CENPP: variants seen among roughly 807,000 people sequenced by gnomAD.
CENPP encodes the protein centromere protein P.
A neutral mutation model predicts 35.6 loss-of-function variants in CENPP; 24 were observed. The ratio of observed to expected loss-of-function variants is 0.67; its 90% CI spans 0.49 to 0.95. CENPP has a LOEUF of 0.95. CENPP is among the 40% of genes least tolerant of loss of function. The probability of loss-of-function intolerance (pLI) is 0.00; values close to 1 mark genes in which losing one functional copy is unlikely to be tolerated. For missense variants in CENPP, 332 were observed against 345.3 expected (o/e 0.96, Z 0.31); for synonymous variants, 120 against 125.5 (o/e 0.96, Z 0.29).
intron 5 of CENPP, among the ~76,000 whole-genome samples, chr9:92,457,836 C>T (rs1258099533): frequency 6.6e-6 from 1 of 152,002 alleles, no homozygotes; most frequent in African/African-American, 2.4e-5. Flanking sequence ...GTAATGTTTA[C>T]TTTTATAAAC....
At chr9:92,490,514 G>T (rs1846150897) in intron 5 of CENPP, among the ~76,000 whole-genome samples, 1 of 152,148 alleles carries the variant, frequency 6.6e-6, no homozygotes, top group African/African-American at 2.4e-5. Context: ...TCTGCCATGA[G>T]GACATTTTCT....
At chr9:92,551,579 A>T (rs1420269026) in intron 5 of CENPP, among the ~76,000 whole-genome samples, 1 of 151,840 alleles carries the variant, frequency 6.6e-6, no homozygotes, top group Admixed American at 6.6e-5. Context: ...TTACATGAGT[A>T]AGTTGTTTAG....
chr9:92,554,327 G>C (rs1267158880), intron 5 of CENPP, among the ~76,000 whole-genome samples: 4 of 152,052 alleles, frequency 2.6e-5, no homozygotes, highest in African/African-American at 9.7e-5. Context: ...GGGATTACAG[G>C]CACGTGCCAC....
chr9:92,433,592 G>A (rs1030819628), intron 5 of CENPP, among the ~76,000 whole-genome samples: 2 of 152,152 alleles, frequency 1.3e-5, no homozygotes, highest in African/African-American at 4.8e-5. Context: ...CATCTGAAAT[G>A]TTTTATAAAT....
chr9:92,604,228 C>A (rs1295146873), intron 5 of CENPP, among the ~76,000 whole-genome samples: 1 of 152,136 alleles, frequency 6.6e-6, no homozygotes, highest in East Asian at 1.9e-4. Flanking sequence ...TTTATTTTAG[C>A]CATTCTGATG....
At chr9:92,393,663 T>A (rs886315415) in intron 5 of CENPP, among the ~76,000 whole-genome samples, 3 of 152,178 alleles carry the variant, frequency 2.0e-5, no homozygotes, top group African/African-American at 7.2e-5. Context: ...ATTAGAGTAA[T>A]CGTAGGCACT....
chr9:92,433,436 A>G (rs1844168390), intron 5 of CENPP, among the ~76,000 whole-genome samples: 1 of 152,094 alleles, frequency 6.6e-6, no homozygotes, highest in Non-Finnish European at 1.5e-5. Context: ...CCCTAATTAC[A>G]TTTGAGTTTT....
At position 92,332,368 on chromosome 9, in the gene CENPP, A is replaced by T; in HGVS notation, c.289+17A>T. Reference sequence around the variant, plus strand: ...CAGAAAAGAGTAAGCATTTTTTTTAAATCTAGACATAGTATGGAAGCTTAC... The same window carrying T: ...CAGAAAAGAGTAAGCATTTTTTTTATATCTAGACATAGTATGGAAGCTTAC... On this transcript the variant is annotated intron_variant, in intron 2 of 7. Transcript: ENST00000375587. The T allele has an allele frequency of 6.5e-7, 1 of 1,529,254 alleles. No individual in the cohort carries two copies. Among genetic ancestry groups the T allele is most frequent in the Non-Finnish European group, 8.8e-7 (1 of 1,134,230 alleles). The allele number at this position is 1,529,254 out of a possible 1,614,324, so 94.7% of individuals were successfully genotyped here.
chr9:92,436,253 A>G (rs1342504957), intron 5 of CENPP, among the ~76,000 whole-genome samples: 1 of 152,060 alleles, frequency 6.6e-6, no homozygotes, highest in Non-Finnish European at 1.5e-5. Flanking sequence ...TTCCCATTGA[A>G]TTTTTTATTT....
intron 5 of CENPP, among the ~76,000 whole-genome samples, chr9:92,592,208 T>G (rs898013493): frequency 1.3e-5 from 2 of 152,066 alleles, no homozygotes; most frequent in Non-Finnish European, 2.9e-5. Context: ...AGTTTGATAG[T>G]TTTTCACAAA....
At chr9:92,554,448 G>A (rs536395692) in intron 5 of CENPP, among the ~76,000 whole-genome samples, 1 of 152,210 alleles carries the variant, frequency 6.6e-6, no homozygotes, top group African/African-American at 2.4e-5. Context: ...CTCCCAAAGT[G>A]CTGGGATTAC....
At chr9:92,337,211 G>A (rs200009473) in intron 2 of CENPP, among the ~76,000 whole-genome samples, 8 of 151,998 alleles carry the variant, frequency 5.3e-5, no homozygotes, top group East Asian at 1.9e-4. Flanking sequence ...CCAGCTACTC[G>A]GGAGGCTGAG....
At chr9:92,359,511 G>T (rs1841684463) in intron 4 of CENPP, among the ~76,000 whole-genome samples, 2 of 151,986 alleles carry the variant, frequency 1.3e-5, no homozygotes, top group South Asian at 4.2e-4. Context: ...ATGGGTATGT[G>T]CAATCTCTTA....
chr9:92,362,658 CA>C (rs1203332372), intron 4 of CENPP, among the ~76,000 whole-genome samples: 3 of 152,068 alleles, frequency 2.0e-5, no homozygotes, highest in African/African-American at 7.2e-5. Context: ...GATGACCACA[CA>C]ATTACTACTC....
At chr9:92,451,614 G>T (rs915862477) in intron 5 of CENPP, among the ~76,000 whole-genome samples, 3 of 152,150 alleles carry the variant, frequency 2.0e-5, no homozygotes, top group African/African-American at 7.2e-5. Context: ...CTTTAAAGTA[G>T]TTTTTTCCGA....
At chr9:92,567,369 G>T (rs950990029) in intron 5 of CENPP, among the ~76,000 whole-genome samples, 25 of 104,098 alleles carry the variant, frequency 2.4e-4, no homozygotes, top group African/African-American at 6.1e-4. Flanking sequence ...AGTTACATAA[G>T]ATAGATATAT....
intron 5 of CENPP, among the ~76,000 whole-genome samples, chr9:92,504,283 C>A (rs1010427620): frequency 6.6e-6 from 1 of 152,156 alleles, no homozygotes; most frequent in Non-Finnish European, 1.5e-5. Context: ...GTCAGTGTTA[C>A]ATAACTCTGT....
At chr9:92,500,621 ATT>A in intron 5 of CENPP, 2 of 1,164,738 alleles carry the variant, frequency 1.7e-6, no homozygotes, top group Non-Finnish European at 2.4e-6. Context: ...CCTTAGCACC[ATT>A]TTTTTTTCCC....
intron 5 of CENPP, among the ~76,000 whole-genome samples, chr9:92,565,301 A>AAAG (rs1564004853): frequency 1.4e-5 from 2 of 146,972 alleles, no homozygotes; most frequent in East Asian, 3.9e-4. Flanking sequence ...GCTAAAAAAA[A>AAAG]AAAAAAAAAA....
Sources: allele counts gnomAD v4.1 joint callset (sites outside exome capture counted in the v4.1 genomes callset), GRCh38; gene constraint gnomAD v4.1.1; transcripts MANE v1.5; gene names NCBI Gene and HGNC (gene_info 2026-07-23, HGNC 2026-07-21).